Variants in FSD1L observed in about 807,000 individuals in gnomAD.
The protein encoded by FSD1L is fibronectin type III and SPRY domain containing 1 like, also known as FSD1-like protein.
Under a neutral mutation model 71.6 loss-of-function variants are expected in FSD1L, and 45 were observed. The observed-to-expected ratio is 0.63, with a 90% CI of 0.49 to 0.81. FSD1L has a LOEUF of 0.81. Ranked by LOEUF, FSD1L falls within the 30% of genes least tolerant of loss-of-function variation. FSD1L has a pLI of 0.00. For missense variants in FSD1L, 561 were observed against 618.1 expected, an observed-to-expected ratio of 0.91 and a Z score of 0.98; for synonymous variants, 197 against 207.2, an observed-to-expected ratio of 0.95 and a Z score of 0.42.
At chr9:105,471,724 T>TTTTA (rs376687715) in intron 4 of FSD1L, among the ~76,000 whole-genome samples, 180 bp from the exon 5 acceptor site, 59 of 143,330 alleles carry the variant, frequency 4.1e-4, no homozygotes, top group African/African-American at 1.2e-3. Flanking sequence ...ATAACACGTT[T>TTTTA]TATATATATA....
chr9:105,525,325 C>G, intron 10 of FSD1L: 1 of 1,602,478 alleles, frequency 6.2e-7, no homozygotes, highest in South Asian at 1.1e-5. Context: ...TGTTACTAGT[C>G]CTGAATGCTT....
At chr9:105,459,961 G>A (rs1830584070) in intron 1 of FSD1L, among the ~76,000 whole-genome samples, 1 of 152,150 alleles carries the variant, frequency 6.6e-6, no homozygotes, top group Non-Finnish European at 1.5e-5. Flanking sequence ...CTTTATCTAG[G>A]TGTGTATTAC....
intron 10 of FSD1L, among the ~76,000 whole-genome samples, chr9:105,532,989 T>C (rs1835993654): frequency 6.6e-6 from 1 of 152,208 alleles, no homozygotes; most frequent in Admixed American, 6.5e-5. Context: ...TTATCTGTAT[T>C]CTTGCTTTGC....
chr9:105,552,094 C>T lies in FSD1L; in HGVS notation c.*5611C>T, dbSNP rs991719136. ...ATGGTTTACAGGTTATCTGAATCTA[C>T]AGATTTAGTATGTCTATTATCTGGA... On this transcript the variant is annotated 3_prime_UTR_variant, in exon 14 of 14. Coordinates refer to ENST00000481272, the MANE Select transcript of FSD1L (RefSeq NM_001145313.3). 4.6e-5 allele frequency: 7 copies of T among 152,182 alleles called. No individual in the cohort carries two copies. The highest frequency in any genetic ancestry group is 1.7e-4 in the African/African-American group (7 of 41,436). 9.4% of individuals were successfully genotyped at this position (152,182 alleles called of 1,614,324 possible). A position where few individuals can be genotyped will look rare whatever the true frequency, so the allele number is the denominator to read the frequency against.
intron 13 of FSD1L, among the ~76,000 whole-genome samples, chr9:105,539,554 A>C (rs555864363): frequency 9.2e-5 from 14 of 152,206 alleles, no homozygotes; most frequent in African/African-American, 3.4e-4. Flanking sequence ...GTTTATGTTA[A>C]TACATGAAGT....
At chr9:105,445,528 T>C (rs1829623508), upstream of FSD1L, among the ~76,000 whole-genome samples, 1 of 152,018 alleles carries the variant, frequency 6.6e-6, no homozygotes, top group Non-Finnish European at 1.5e-5. Context: ...TGCCTAGGAA[T>C]TGCCCTCAGA....
intron 4 of FSD1L, among the ~76,000 whole-genome samples, chr9:105,469,537 T>C (rs1214264110): frequency 1.3e-5 from 2 of 152,178 alleles, no homozygotes; most frequent in Non-Finnish European, 2.9e-5. Context: ...TGAGCATCTC[T>C]TCACGTGTTT....
chr9:105,546,263 A>G, intron 13 of FSD1L, 95 bp from the exon 14 acceptor site: 3 of 1,092,718 alleles, frequency 2.7e-6, no homozygotes, highest in Non-Finnish European at 3.8e-6. Flanking sequence ...ATTGATGTTC[A>G]TATGTGTGGC....
intron 10 of FSD1L, among the ~76,000 whole-genome samples, chr9:105,533,101 T>G (rs1000133067): frequency 6.6e-6 from 1 of 152,196 alleles, no homozygotes; most frequent in African/African-American, 2.4e-5. Context: ...GAAAAAAGTG[T>G]TTTTATTTCT....
intron 6 of FSD1L, among the ~76,000 whole-genome samples, chr9:105,483,296 A>T (rs1354539636): frequency 6.6e-6 from 1 of 152,220 alleles, no homozygotes; most frequent in Non-Finnish European, 1.5e-5. Context: ...GACATTTTTC[A>T]TCCTAAAATA....
rs575664099 is a variant in FSD1L, at chr9:105,480,672, C to G, written c.464+1296C>G. Among the ~76,000 whole-genome samples the G allele has an allele frequency of 5.3e-5, 8 of 152,146 alleles. No homozygotes were observed. In the South Asian group the frequency reaches 1.7e-3, roughly 32 times the overall value. On this transcript the variant is annotated intron_variant, in intron 6 of 13. Transcript: ENST00000481272. The stretch of plus-strand genomic sequence containing the variant: ...TGGATCATTCTTATAAATCCTGGAT[C>G]TAGAAAGATGATTGTGAAAGTTTGA...
At chr9:105,497,682 C>T (rs1248567247) in intron 7 of FSD1L, among the ~76,000 whole-genome samples, 1 of 152,082 alleles carries the variant, frequency 6.6e-6, no homozygotes, top group Non-Finnish European at 1.5e-5. Context: ...TTTTAATGTC[C>T]ATGGGATCTT....
intron 1 of FSD1L, among the ~76,000 whole-genome samples, chr9:105,455,368 G>T (rs561130098): frequency 1.3e-5 from 2 of 152,288 alleles, no homozygotes; most frequent in African/African-American, 4.8e-5. Flanking sequence ...CTTGAACCTG[G>T]TGCCATCCCC....
rs191543645 is a variant in FSD1L, at chr9:105,473,947, G to A, written c.441+1942G>A. Reference sequence around the variant, plus strand: ...ACATTGTGGTTTAATATGCCACTTCGCTTATTCTTACTATTTGGGTCTTGT... The same window carrying A: ...ACATTGTGGTTTAATATGCCACTTCACTTATTCTTACTATTTGGGTCTTGT... On this transcript the variant is annotated intron_variant, in intron 5 of 13. Transcript: ENST00000481272. 6.2e-4 allele frequency among the ~76,000 whole-genome samples: 94 copies of A among 152,210 alleles called. 1 individual carries two copies. Among genetic ancestry groups the A allele is most frequent in the Non-Finnish European group, 1.3e-3 (87 of 68,022 alleles).
chr9:105,548,433 A>G lies in FSD1L; in HGVS notation c.*1950A>G, dbSNP rs1366804672. 1 of 152,510 alleles carries G rather than the reference A, an allele frequency of 6.6e-6. No homozygotes were observed. Among genetic ancestry groups the G allele is most frequent in the East Asian group, 1.9e-4 (1 of 5,188 alleles). 9.4% of individuals were successfully genotyped at this position (152,510 alleles called of 1,614,324 possible). ...ATAAAATTTTTTACTAGTGTGTCTT[A>G]TATAATTCTTTCTTCTCATTAATTC... is the stretch of plus-strand genomic sequence containing the variant. On this transcript the variant is annotated 3_prime_UTR_variant, in exon 14 of 14. Coordinates refer to ENST00000481272, the MANE Select transcript of FSD1L (RefSeq NM_001145313.3).
At chr9:105,507,415 A>T (rs1429321530) in intron 8 of FSD1L, among the ~76,000 whole-genome samples, 1 of 152,232 alleles carries the variant, frequency 6.6e-6, no homozygotes, top group Non-Finnish European at 1.5e-5. Flanking sequence ...ATTTATCAGG[A>T]GATGGGCTCA....
chr9:105,534,513 A>C lies in FSD1L; in HGVS notation c.1046A>C (p.Lys349Thr). The stretch of plus-strand genomic sequence containing the variant: ...TATAGAAGTGGTACACCATCCCCAA[A>C]ACGAACATCTGTAGGCTCCAGGCCA... Reference protein sequence around the residue: ...NKGRSGTPSPKRTSVGSRPPA... With the variant: ...NKGRSGTPSPTRTSVGSRPPA... The change falls in exon 11 of 14, where the codon AAA becomes ACA. Residue 349 changes from lysine (K) to threonine (T), a missense_variant. Around this residue, in one of 3 missense-constraint regions of FSD1L, gnomAD observed 410 missense variants for 413.5 expected, o/e 0.99. Transcript: ENST00000481272. The C allele has an allele frequency of 6.5e-7, 1 of 1,549,128 alleles. No homozygotes were observed. Among genetic ancestry groups the C allele is most frequent in the South Asian group, 1.2e-5 (1 of 83,890 alleles).
At chr9:105,491,118 T>C (rs1302112527) in intron 7 of FSD1L, among the ~76,000 whole-genome samples, 1 of 152,182 alleles carries the variant, frequency 6.6e-6, no homozygotes, top group East Asian at 1.9e-4. Flanking sequence ...TTTCATGATA[T>C]TGATTCTTCC....
At chr9:105,483,914 T>A in intron 6 of FSD1L, among the ~76,000 whole-genome samples, 1 of 152,146 alleles carries the variant, frequency 6.6e-6, no homozygotes, top group East Asian at 1.9e-4. Flanking sequence ...TCTACTCTTA[T>A]TTGAGGGTAC....
Sources: gnomAD v4.1 joint callset for allele counts (sites outside exome capture counted in the v4.1 genomes callset) on GRCh38, gnomAD v4.1.1 for gene constraint, gnomAD v4.1.1 regional missense constraint, MANE v1.5 for transcripts, NCBI Gene and HGNC (gene_info 2026-07-23, HGNC 2026-07-21) for gene names.